Variants in REDIC1 observed in about 807,000 individuals in gnomAD.
The protein encoded by REDIC1 is regulator of DNA class I crossover intermediates 1.
chr12:39,633,412 A>G, the REDIC1 span, among the ~76,000 whole-genome samples: 57 of 152,350 alleles, frequency 3.7e-4, 1 homozygote, highest in Non-Finnish European at 4.4e-5. Flanking sequence ...ACCATCTCCT[A>G]TGATAACAAT....
chr12:39,795,324 T>C, the REDIC1 span, among the ~76,000 whole-genome samples: 2 of 152,282 alleles, frequency 1.3e-5, no homozygotes, highest in East Asian at 3.9e-4. Flanking sequence ...ATCTACACAG[T>C]TTTAAACTTA....
chr12:39,858,056 A>T, the REDIC1 span, among the ~76,000 whole-genome samples: 2 of 152,232 alleles, frequency 1.3e-5, no homozygotes, highest in Non-Finnish European at 2.9e-5. Context: ...TCAAAATTAA[A>T]AAGTTATGGC....
chr12:39,806,489 CTTCTATCT>C, the REDIC1 span, among the ~76,000 whole-genome samples: 1 of 152,134 alleles, frequency 6.6e-6, no homozygotes, highest in South Asian at 2.1e-4. Context: ...GTCACACAGG[CTTCTATCT>C]GATTGCATTT....
At chr12:39,841,369 T>A in the REDIC1 span, among the ~76,000 whole-genome samples, 3 of 152,130 alleles carry the variant, frequency 2.0e-5, no homozygotes, top group Admixed American at 6.6e-5. Context: ...GCATTTCATC[T>A]GAACAAAATG....
the REDIC1 span, among the ~76,000 whole-genome samples, chr12:39,699,784 C>A: frequency 6.6e-6 from 1 of 152,182 alleles, no homozygotes; most frequent in Non-Finnish European, 1.5e-5. Context: ...GGTCCCTGAC[C>A]CCTGACCCCC....
chr12:39,711,155 T>A, the REDIC1 span, among the ~76,000 whole-genome samples: 1 of 151,536 alleles, frequency 6.6e-6, no homozygotes, highest in African/African-American at 2.4e-5. Flanking sequence ...GGTTTCCCAT[T>A]CCTGAGTTAT....
the REDIC1 span, among the ~76,000 whole-genome samples, chr12:39,884,580 G>C: frequency 6.6e-6 from 1 of 152,150 alleles, no homozygotes; most frequent in African/African-American, 2.4e-5. Flanking sequence ...CTATGTGCCA[G>C]ATGTAGCAGA....
chr12:39,743,793 A>G, the REDIC1 span, among the ~76,000 whole-genome samples: 2 of 152,188 alleles, frequency 1.3e-5, no homozygotes, highest in African/African-American at 2.4e-5. Flanking sequence ...AAAAAGCAAA[A>G]AGATCAAAAC....
chr12:39,784,061 C>G, the REDIC1 span, among the ~76,000 whole-genome samples: 1 of 152,092 alleles, frequency 6.6e-6, no homozygotes, highest in African/African-American at 2.4e-5. Flanking sequence ...AACCACTGCT[C>G]AACGAAATAA....
the REDIC1 span, among the ~76,000 whole-genome samples, chr12:39,900,108 GAGGCAGAAA>G: frequency 1.3e-5 from 2 of 152,066 alleles, no homozygotes; most frequent in African/African-American, 4.8e-5. Context: ...TATCTCAATA[GAGGCAGAAA>G]AGGCCTTTGA....
chr12:39,648,498 C>A, the REDIC1 span, among the ~76,000 whole-genome samples: 8 of 151,382 alleles, frequency 5.3e-5, no homozygotes, highest in Admixed American at 1.3e-4. Flanking sequence ...AAATGTTGTT[C>A]AATCATTGTG....
At chr12:39,683,989 G>C in the REDIC1 span, 4 of 234,902 alleles carry the variant, frequency 1.7e-5, no homozygotes, top group Non-Finnish European at 2.8e-5. Flanking sequence ...TTTAGGGATA[G>C]AGCACTCTTC....
chr12:39,782,988 T>A, the REDIC1 span, among the ~76,000 whole-genome samples: 8 of 152,262 alleles, frequency 5.3e-5, no homozygotes, highest in Admixed American at 2.6e-4. Flanking sequence ...GTCATTTACA[T>A]TACTTATGTC....
chr12:39,636,770 CAA>C, the REDIC1 span, among the ~76,000 whole-genome samples: 1 of 151,846 alleles, frequency 6.6e-6, no homozygotes, highest in Non-Finnish European at 1.5e-5. Flanking sequence ...CAAAAAAGAA[CAA>C]GTTAATACTG....
At chr12:39,700,034 C>A in the REDIC1 span, among the ~76,000 whole-genome samples, 1 of 152,180 alleles carries the variant, frequency 6.6e-6, no homozygotes, top group Non-Finnish European at 1.5e-5. Context: ...CAGAGCGCCT[C>A]TCCTCCTCCA....
chr12:39,717,631 G>T, the REDIC1 span, among the ~76,000 whole-genome samples: 6 of 152,032 alleles, frequency 3.9e-5, no homozygotes, highest in East Asian at 1.2e-3. Context: ...GAAATACATC[G>T]TTATTTCTGT....
chr12:39,713,619 C>A, the REDIC1 span, among the ~76,000 whole-genome samples: 2 of 141,574 alleles, frequency 1.4e-5, no homozygotes, highest in Non-Finnish European at 3.1e-5. Context: ...TATGTATATA[C>A]GCATGTATAC....
chr12:39,635,668 A>G, the REDIC1 span, among the ~76,000 whole-genome samples: 1 of 152,082 alleles, frequency 6.6e-6, no homozygotes, highest in Non-Finnish European at 1.5e-5. Context: ...GGGGAGGGAT[A>G]GCATTAGGAG....
At chr12:39,712,444 GTATACATACGTA>G in the REDIC1 span, among the ~76,000 whole-genome samples, 2 of 45,738 alleles carry the variant, frequency 4.4e-5, no homozygotes, top group African/African-American at 1.0e-4. Context: ...ATACGTATAT[GTATACATACGTA>G]TATATACGTA....
Sources: gnomAD v4.1 joint callset for allele counts (sites outside exome capture counted in the v4.1 genomes callset) on GRCh38, gnomAD v4.1.1 for gene constraint, MANE v1.5 for transcripts, NCBI Gene and HGNC (gene_info 2026-07-23, HGNC 2026-07-21) for gene names.